Variants in MAPDA observed in about 807,000 individuals in gnomAD.
MAPDA encodes N6-Methyl-AMP deaminase, also known as N6,N6-dimethyl-AMP deaminase.
the MAPDA span, chr15:43,347,002 CT>C: frequency 1.2e-6 from 2 of 1,610,136 alleles, no homozygotes; most frequent in East Asian, 4.5e-5. Context: ...CTTATTTTAA[CT>C]TTTATCTTTA....
the MAPDA span, among the ~76,000 whole-genome samples, chr15:43,334,768 ACCTCTT>A: frequency 6.7e-6 from 1 of 150,332 alleles, no homozygotes; most frequent in South Asian, 2.1e-4. Context: ...GTTTTAGTAC[ACCTCTT>A]ATAAGCTTGA....
the MAPDA span, among the ~76,000 whole-genome samples, chr15:43,333,061 C>A: frequency 2.6e-5 from 4 of 151,988 alleles, no homozygotes; most frequent in African/African-American, 9.7e-5. Flanking sequence ...TTACTCACAG[C>A]TAGTTAAAGG....
the MAPDA span, among the ~76,000 whole-genome samples, chr15:43,345,278 C>T: frequency 1.1e-4 from 17 of 149,782 alleles, no homozygotes; most frequent in African/African-American, 3.2e-4. Context: ...CGCTTGGACC[C>T]GGGAGGCAGA....
the MAPDA span, chr15:43,335,050 C>T: frequency 6.5e-7 from 1 of 1,534,500 alleles, no homozygotes; most frequent in Non-Finnish European, 9.0e-7. Flanking sequence ...GACTGAAATA[C>T]ATCATATTGC....
the MAPDA span, among the ~76,000 whole-genome samples, chr15:43,337,115 A>G: frequency 1.9e-4 from 28 of 150,970 alleles, no homozygotes; most frequent in Non-Finnish European, 3.2e-4. Context: ...AAAAATACAA[A>G]AAAAAAAAAA....
At chr15:43,344,258 T>A in the MAPDA span, among the ~76,000 whole-genome samples, 1 of 149,802 alleles carries the variant, frequency 6.7e-6, no homozygotes, top group Non-Finnish European at 1.5e-5. Flanking sequence ...TAACAAAAAT[T>A]AGAAAATAGC....
At chr15:43,335,007 A>T in the MAPDA span, 3 of 1,186,026 alleles carry the variant, frequency 2.5e-6, no homozygotes, top group Non-Finnish European at 3.6e-6. Flanking sequence ...AAGTAAAGCA[A>T]TCTGAAGGAA....
At chr15:43,341,853 T>A in the MAPDA span, among the ~76,000 whole-genome samples, 10 of 152,294 alleles carry the variant, frequency 6.6e-5, no homozygotes, top group South Asian at 2.1e-4. Flanking sequence ...TTATTTATTT[T>A]TTTTGAGACG....
chr15:43,343,155 G>A, the MAPDA span: 1 of 1,014,582 alleles, frequency 9.9e-7, no homozygotes, highest in Non-Finnish European at 1.4e-6. Flanking sequence ...GGGTGTAATG[G>A]ATTTTTTAAA....
chr15:43,341,663 A>C, the MAPDA span, among the ~76,000 whole-genome samples: 2 of 150,144 alleles, frequency 1.3e-5, no homozygotes, highest in African/African-American at 4.9e-5. Flanking sequence ...GCATCATAAG[A>C]CCCCCCCCAC....
At chr15:43,339,818 A>G in the MAPDA span, among the ~76,000 whole-genome samples, 4 of 152,202 alleles carry the variant, frequency 2.6e-5, 1 homozygote, top group African/African-American at 9.7e-5. Context: ...TTGAATAAAA[A>G]CCTTAAGCCA....
the MAPDA span, among the ~76,000 whole-genome samples, chr15:43,337,442 G>C: frequency 6.6e-6 from 1 of 152,170 alleles, no homozygotes; most frequent in African/African-American, 2.4e-5. Context: ...TAGGGAAATT[G>C]TGCTTTCCCT....
chr15:43,346,896 C>T, the MAPDA span: 1 of 767,844 alleles, frequency 1.3e-6, no homozygotes, highest in Non-Finnish European at 2.2e-6. Context: ...ACAAGATGTG[C>T]AAATGAATTA....
chr15:43,353,523 A>T, the MAPDA span: 1 of 152,130 alleles, frequency 6.6e-6, no homozygotes, highest in Admixed American at 6.5e-5. Flanking sequence ...GAGTCTCCAG[A>T]GTGATGGCTT....
At chr15:43,345,834 C>G in the MAPDA span, 22 of 1,613,842 alleles carry the variant, frequency 1.4e-5, no homozygotes, top group Admixed American at 1.5e-4. Context: ...GTTTTCAACT[C>G]TGTCTTTCTT....
the MAPDA span, among the ~76,000 whole-genome samples, chr15:43,342,377 A>G: frequency 2.6e-5 from 4 of 151,632 alleles, no homozygotes; most frequent in Non-Finnish European, 4.4e-5. Flanking sequence ...AAGCCCGAGC[A>G]GGATTGAGGG....
the MAPDA span, chr15:43,331,782 AG>A: frequency 6.6e-6 from 1 of 152,282 alleles, no homozygotes; most frequent in Non-Finnish European, 1.5e-5. Context: ...GGTGAGTTAA[AG>A]GAGGTATCCA....
chr15:43,346,375 A>G, the MAPDA span, among the ~76,000 whole-genome samples: 1 of 152,194 alleles, frequency 6.6e-6, no homozygotes. Context: ...TGAATGTCAG[A>G]TTCAAGCAGA....
the MAPDA span, among the ~76,000 whole-genome samples, chr15:43,346,774 A>G: frequency 1.3e-5 from 2 of 152,232 alleles, no homozygotes; most frequent in African/African-American, 4.8e-5. Context: ...TATCCAGCTT[A>G]GCTGATTGAC....
Sources: allele counts gnomAD v4.1 joint callset (sites outside exome capture counted in the v4.1 genomes callset), GRCh38; gene constraint gnomAD v4.1.1; transcripts MANE v1.5; gene names NCBI Gene and HGNC (gene_info 2026-07-23, HGNC 2026-07-21).